Variants in ZFHX3 observed in about 807,000 individuals in gnomAD.
ZFHX3 encodes zinc finger homeobox protein 3.
Under a neutral mutation model 279.1 loss-of-function variants are expected in ZFHX3, and 42 were observed. The observed-to-expected ratio is 0.15, with a 90% confidence interval of 0.12 to 0.19. The LOEUF (loss-of-function observed/expected upper bound fraction) is 0.19, where lower values mean the gene tolerates loss of function less well. Among genes scored for constraint, ZFHX3 ranks in the 10% least tolerant of loss-of-function variants. ZFHX3 has a pLI of 1.00. For synonymous variants in ZFHX3, 2,293 were observed against 1,957.8 expected, an observed-to-expected ratio of 1.17 and a Z score of -4.52; for missense variants, 4,981 against 4,754.0, an observed-to-expected ratio of 1.05 and a Z score of -1.40.
At chr16:73,298,336 C>T (rs2014971766) in intron 4 of ZFHX3, among the ~76,000 whole-genome samples, 1 of 151,818 alleles carries the variant, frequency 6.6e-6, no homozygotes, top group Admixed American at 6.6e-5. Flanking sequence ...AGGTATGTGC[C>T]ACCATGCCCG....
chr16:73,050,374 C>G (rs1965427516), upstream of ZFHX3, among the ~76,000 whole-genome samples: 1 of 152,138 alleles, frequency 6.6e-6, no homozygotes, highest in Non-Finnish European at 1.5e-5. Context: ...ACCCTGAGTT[C>G]CTTTTCTTTA....
At chr16:73,397,153 A>C (rs984475001) in intron 3 of ZFHX3, among the ~76,000 whole-genome samples, 3 of 152,212 alleles carry the variant, frequency 2.0e-5, no homozygotes, top group African/African-American at 4.8e-5. Flanking sequence ...GCACTCATGG[A>C]GTTCATAATC....
chr16:73,142,036 GC>G (rs1966848974), intron 6 of ZFHX3, among the ~76,000 whole-genome samples: 1 of 152,162 alleles, frequency 6.6e-6, no homozygotes, highest in Non-Finnish European at 1.5e-5. Context: ...GCTCTGATGG[GC>G]TGCACATCAT....
chr16:72,969,560 C>T (rs556282120), intron 1 of ZFHX3, among the ~76,000 whole-genome samples: 30 of 151,980 alleles, frequency 2.0e-4, no homozygotes, highest in African/African-American at 6.3e-4. Flanking sequence ...ATTGTTAAAT[C>T]CAGGCTAAAA....
chr16:73,430,553 T>A lies in ZFHX3; in HGVS notation c.-1291+25450A>T, dbSNP rs139833718. On this transcript the variant is annotated intron_variant, in intron 3 of 17. Transcript: ENST00000641206. ...TGCGGGCAGAAGAGAGGGTTTCCTC[T>A]TCTATTCCAACATCATTTTGGCTCA... Among the ~76,000 whole-genome samples the A allele has an allele frequency of 2.0e-5, 3 of 152,268 alleles. No individual in the cohort carries two copies. In the East Asian group the frequency reaches 5.8e-4, roughly 29 times the overall value.
At chr16:73,777,614 TC>T (rs1477832570) in intron 1 of ZFHX3, among the ~76,000 whole-genome samples, 1 of 149,858 alleles carries the variant, frequency 6.7e-6, no homozygotes, top group African/African-American at 2.5e-5. Flanking sequence ...TGTCCCCAAA[TC>T]TTTTTTTCTC....
chr16:73,523,684 G>C (rs1246162518), intron 2 of ZFHX3, among the ~76,000 whole-genome samples: 1 of 151,512 alleles, frequency 6.6e-6, no homozygotes, highest in Non-Finnish European at 1.5e-5. Context: ...GAAAATAAAG[G>C]AGATGGATAA....
At chr16:73,240,037 G>A (rs1275578291) in intron 5 of ZFHX3, among the ~76,000 whole-genome samples, 2 of 151,846 alleles carry the variant, frequency 1.3e-5, no homozygotes, top group African/African-American at 4.8e-5. Flanking sequence ...GTGTGTGTGT[G>A]TGTGTGTGTG....
chr16:73,105,513 A>G (rs1207581502), intron 7 of ZFHX3, among the ~76,000 whole-genome samples: 1 of 150,890 alleles, frequency 6.6e-6, no homozygotes, highest in East Asian at 2.0e-4. Flanking sequence ...GCACTTTGGG[A>G]GGCAAAGACG....
At chr16:73,098,435 C>T (rs1966193727) in intron 7 of ZFHX3, among the ~76,000 whole-genome samples, 1 of 152,136 alleles carries the variant, frequency 6.6e-6, no homozygotes, top group East Asian at 1.9e-4. Context: ...GATCTTGGCT[C>T]ACTGCAACCT....
At chr16:73,142,268 T>C (rs935316327) in intron 6 of ZFHX3, among the ~76,000 whole-genome samples, 1 of 152,176 alleles carries the variant, frequency 6.6e-6, no homozygotes, top group Admixed American at 6.5e-5. Context: ...TTGCCTTACG[T>C]CATAAGTCCT....
At chr16:73,891,135 A>G (rs960168938) in intron 1 of ZFHX3, among the ~76,000 whole-genome samples, 16 of 151,838 alleles carry the variant, frequency 1.1e-4, no homozygotes, top group Non-Finnish European at 1.6e-4. Context: ...TGACATGCAA[A>G]TGAGCTAGAA....
intron 1 of ZFHX3, among the ~76,000 whole-genome samples, chr16:73,754,754 T>C (rs987354388): frequency 6.6e-6 from 1 of 151,268 alleles, no homozygotes; most frequent in Non-Finnish European, 1.5e-5. Context: ...GAACTTTACA[T>C]GAAGAAAAAA....
chr16:73,857,704 T>C (rs1202191591), intron 1 of ZFHX3, among the ~76,000 whole-genome samples: 1 of 152,172 alleles, frequency 6.6e-6, no homozygotes, highest in East Asian at 1.9e-4. Context: ...CTGCCCTTTT[T>C]CAATAAGACA....
chr16:73,142,459 G>GGGGGGATT (rs1966850051), intron 6 of ZFHX3, among the ~76,000 whole-genome samples: 1 of 152,206 alleles, frequency 6.6e-6, no homozygotes, highest in Non-Finnish European at 1.5e-5. Context: ...TGAGTACAGA[G>GGGGGGATT]GGGGGATTAT....
At chr16:72,841,121 C>T (rs1015052239) in intron 4 of ZFHX3, among the ~76,000 whole-genome samples, 1 of 152,196 alleles carries the variant, frequency 6.6e-6, no homozygotes, top group Non-Finnish European at 1.5e-5. Context: ...GTGCCTACCA[C>T]GAGTTCCCTG....
rs751209999 is a variant in ZFHX3 at position 72,796,670 on chromosome 16, G to A, written c.6012C>T (p.His2004=). The A allele has an allele frequency of 1.2e-5, 20 of 1,613,906 alleles. No homozygotes were observed. The highest frequency in any genetic ancestry group is 1.6e-4 in the Middle Eastern group (1 of 6,084). Residue 2004 remains histidine (H), a synonymous_variant, in exon 9 of 10, where the codon CAC becomes CAT. Transcript: ENST00000268489. ...NILILKSHQE[H]VHQNYFPFKQ... Reference sequence around the variant, plus strand: ...TGAAAGGAAAGTAATTCTGATGAACGTGCTCTTGATGACTCTTTAAAATCA... The same window carrying A: ...TGAAAGGAAAGTAATTCTGATGAACATGCTCTTGATGACTCTTTAAAATCA...
intron 1 of ZFHX3, among the ~76,000 whole-genome samples, chr16:73,024,534 C>A (rs1425336931): frequency 6.6e-6 from 1 of 152,184 alleles, no homozygotes; most frequent in Admixed American, 6.5e-5. Context: ...GTGAGTTGCA[C>A]TGAAAGGATC....
chr16:73,063,764 G>A (rs8052905), upstream of ZFHX3, among the ~76,000 whole-genome samples: 15,156 of 152,174 alleles, frequency 0.1, 1,069 homozygotes, highest in African/African-American at 0.2. Context: ...CTTTGTGCCT[G>A]TATTCTTTCT....
Sources: allele counts gnomAD v4.1 joint callset (sites outside exome capture counted in the v4.1 genomes callset), GRCh38; gene constraint gnomAD v4.1.1; transcripts MANE v1.5; gene names NCBI Gene and HGNC (gene_info 2026-07-23, HGNC 2026-07-21).